HECW1: variants seen among roughly 807,000 people sequenced by gnomAD.
HECW1 encodes the protein E3 ubiquitin-protein ligase HECW1.
HECW1 carries 61 observed loss-of-function variants against 182.3 expected under a neutral mutation model. That is an observed-to-expected ratio of 0.33 (90% confidence interval 0.27 to 0.41). HECW1 has a LOEUF of 0.41. Among genes scored for constraint, HECW1 ranks in the 10% least tolerant of loss-of-function variants. HECW1 has a pLI of 1.00. For missense variants in HECW1, 1,739 were observed against 2,108.9 expected (o/e 0.82, Z 3.44); for synonymous variants, 859 against 832.6 (o/e 1.03, Z -0.55).
Position 43,507,201 on chromosome 7 carries a change from C to T in HECW1, c.3696C>T (p.Arg1232=). 6.2e-7 allele frequency: 1 copy of T among 1,614,020 alleles called. No individual in the cohort carries two copies. The highest frequency in any genetic ancestry group is 1.1e-5 in the South Asian group (1 of 91,078). Residue 1232 remains arginine, a synonymous_variant, in exon 22 of 30, where the codon CGC becomes CGT. Coordinates refer to ENST00000395891, the MANE Select transcript of HECW1 (RefSeq NM_015052.5). The part of the protein sequence containing the change: ...PYRRDFEAKL[R]NFYRKLEAKG... ...GAAGAGACTTTGAGGCCAAGCTCCG[C>T]AATTTCTACAGAAAACTGGAAGCCA...
chr7:43,456,451 G>A lies in HECW1; in HGVS notation c.2651+4G>A, dbSNP rs774553643. Reference sequence around the variant, plus strand: ...AGATGGAGCAACTCAACAGGCGGTTGGTGATCAGTATGCAATGAGCTCCCC... The same window carrying A: ...AGATGGAGCAACTCAACAGGCGGTTAGTGATCAGTATGCAATGAGCTCCCC... On this transcript the variant is annotated splice_donor_region_variant and intron_variant, in intron 13 of 29. Coordinates refer to ENST00000395891, the MANE Select transcript of HECW1 (RefSeq NM_015052.5). The A allele has an allele frequency of 2.5e-6, 4 of 1,613,136 alleles. No individual in the cohort carries two copies. The African/African-American group carries it at 4.0e-5, about 16-fold the overall frequency.
intron 3 of HECW1, among the ~76,000 whole-genome samples, chr7:43,269,776 C>G (rs373253695): frequency 2.6e-5 from 4 of 151,980 alleles, no homozygotes; most frequent in Admixed American, 6.5e-5. Flanking sequence ...AAGCTGGGGG[C>G]GGGAAGTGAG....
intron 6 of HECW1, among the ~76,000 whole-genome samples, chr7:43,375,806 T>G (rs1388284140): frequency 6.6e-6 from 1 of 151,128 alleles, no homozygotes; most frequent in Non-Finnish European, 1.5e-5. Flanking sequence ...GGTGAGAGGA[T>G]TGCTTGAGCC....
At chr7:43,159,191 T>TTA (rs1790225338) in intron 2 of HECW1, among the ~76,000 whole-genome samples, 1 of 151,668 alleles carries the variant, frequency 6.6e-6, no homozygotes, top group African/African-American at 2.4e-5. Flanking sequence ...TTTCTTTTTT[T>TTA]TTATTATTAT....
intron 3 of HECW1, among the ~76,000 whole-genome samples, chr7:43,257,818 G>C (rs1800741622): frequency 6.6e-6 from 1 of 151,698 alleles, no homozygotes; most frequent in Admixed American, 6.6e-5. Context: ...GCCTCTCTAT[G>C]TCTTAATTTA....
intron 6 of HECW1, among the ~76,000 whole-genome samples, chr7:43,381,881 C>T (rs1374849329): frequency 6.6e-6 from 1 of 152,122 alleles, no homozygotes; most frequent in Non-Finnish European, 1.5e-5. Context: ...CCAGGCTGGT[C>T]TCAAACTCCT....
chr7:43,507,924 A>G (rs1174704890), intron 22 of HECW1, 94 bp from the exon 23 acceptor site: 11 of 768,150 alleles, frequency 1.4e-5, no homozygotes, highest in African/African-American at 3.4e-5. Flanking sequence ...GAGGCTGGGG[A>G]GTGAGAACCT....
chr7:43,313,564 C>A (rs1002755042), intron 4 of HECW1, among the ~76,000 whole-genome samples: 1 of 152,118 alleles, frequency 6.6e-6, no homozygotes, highest in Non-Finnish European at 1.5e-5. Context: ...CTCGAACTCC[C>A]GACCTCAGGT....
chr7:43,370,512 C>T (rs755673248), intron 6 of HECW1, among the ~76,000 whole-genome samples: 1 of 152,218 alleles, frequency 6.6e-6, no homozygotes, highest in Non-Finnish European at 1.5e-5. Context: ...ATTCACCCAA[C>T]GGAGTTGAAA....
intron 6 of HECW1, among the ~76,000 whole-genome samples, chr7:43,382,517 C>T (rs1175108127): frequency 6.6e-6 from 1 of 152,184 alleles, no homozygotes; most frequent in Non-Finnish European, 1.5e-5. Context: ...AGAGAAAATG[C>T]ATATTTGGAC....
chr7:43,351,353 A>G (rs1319089546), intron 5 of HECW1, among the ~76,000 whole-genome samples: 1 of 152,148 alleles, frequency 6.6e-6, no homozygotes, highest in Non-Finnish European at 1.5e-5. Flanking sequence ...TCCTACCAGG[A>G]GGTGGCACTT....
chr7:43,170,415 G>A (rs1025989688), intron 2 of HECW1, among the ~76,000 whole-genome samples: 6 of 152,164 alleles, frequency 3.9e-5, no homozygotes, highest in Non-Finnish European at 8.8e-5. Context: ...GTCCCAAAAA[G>A]GTTGGAGACC....
intron 3 of HECW1, among the ~76,000 whole-genome samples, chr7:43,271,006 G>A (rs747087769): frequency 1.5e-4 from 23 of 152,186 alleles, no homozygotes; most frequent in Non-Finnish European, 2.6e-4. Flanking sequence ...TGGAAACACT[G>A]AGCTTTAGAT....
chr7:43,454,555 A>T (rs1273389494), intron 12 of HECW1, among the ~76,000 whole-genome samples: 2 of 152,180 alleles, frequency 1.3e-5, no homozygotes, highest in Non-Finnish European at 2.9e-5. Flanking sequence ...ATCTCCTAGG[A>T]CATATTTATA....
At chr7:43,161,778 T>A (rs897824544) in intron 2 of HECW1, 3 of 152,256 alleles carry the variant, frequency 2.0e-5, no homozygotes, top group African/African-American at 7.2e-5. Context: ...TTTAGATTTT[T>A]CCTTTTCCTT....
chr7:43,346,386 C>T (rs1016669710), intron 5 of HECW1, among the ~76,000 whole-genome samples: 4 of 151,918 alleles, frequency 2.6e-5, no homozygotes, highest in Non-Finnish European at 5.9e-5. Flanking sequence ...TAGATTCTGG[C>T]TATTAGTCCT....
At chr7:43,343,972 C>T (rs1335618284) in intron 5 of HECW1, among the ~76,000 whole-genome samples, 1 of 151,792 alleles carries the variant, frequency 6.6e-6, no homozygotes, top group Non-Finnish European at 1.5e-5. Context: ...GATGGTGTCT[C>T]ATTGTGGTTT....
chr7:43,342,916 C>G lies in HECW1; in HGVS notation c.461-17970C>G, dbSNP rs184338277. Among the ~76,000 whole-genome samples, 701 of 151,660 alleles carry G rather than the reference C, an allele frequency of 4.6e-3. 27 individuals are homozygous for G. Among genetic ancestry groups the G allele is most frequent in the African/African-American group, 0.016 (675 of 41,020 alleles). ...TGGCAGGCATCTGTAGTCCCAGCTA[C>G]TCAGGAGGCTGAGGCAGGAGAATGG... is the stretch of plus-strand genomic sequence containing the variant. On this transcript the variant is annotated intron_variant, in intron 5 of 29. Transcript: ENST00000395891.
At chr7:43,178,352 C>G (rs1156621665) in intron 2 of HECW1, among the ~76,000 whole-genome samples, 1 of 152,152 alleles carries the variant, frequency 6.6e-6, no homozygotes, top group Non-Finnish European at 1.5e-5. Flanking sequence ...CACAAGCTTT[C>G]TTGCACATAA....
Sources: allele counts gnomAD v4.1 joint callset (sites outside exome capture counted in the v4.1 genomes callset), GRCh38; gene constraint gnomAD v4.1.1; transcripts MANE v1.5; gene names NCBI Gene and HGNC (gene_info 2026-07-23, HGNC 2026-07-21).